Variants in ATOSA observed in about 807,000 individuals in gnomAD.
The protein encoded by ATOSA is atos homolog protein A.
the ATOSA span, among the ~76,000 whole-genome samples, chr15:52,685,112 A>G: frequency 4.6e-5 from 7 of 152,226 alleles, no homozygotes; most frequent in South Asian, 4.1e-4. Flanking sequence ...TAATATTTCT[A>G]TTTGCTGTAG....
At chr15:52,624,235 TTTTG>T in the ATOSA span, among the ~76,000 whole-genome samples, 2 of 152,172 alleles carry the variant, frequency 1.3e-5, no homozygotes, top group Non-Finnish European at 2.9e-5. Flanking sequence ...ACGTTTTTGT[TTTTG>T]TTTTTGTTTT....
At chr15:52,701,384 A>G in the ATOSA span, among the ~76,000 whole-genome samples, 2 of 152,294 alleles carry the variant, frequency 1.3e-5, no homozygotes, top group South Asian at 4.1e-4. Flanking sequence ...GGTTGCAATG[A>G]GCCATAATGG....
At chr15:52,589,063 TAAATTAACACATTA>T in the ATOSA span, among the ~76,000 whole-genome samples, 2 of 152,224 alleles carry the variant, frequency 1.3e-5, no homozygotes, top group Admixed American at 6.5e-5. Context: ...ATCAGATTAT[TAAATTAACACATTA>T]AGGTTAACAC....
At chr15:52,678,197 T>G in the ATOSA span, 35 of 750,470 alleles carry the variant, frequency 4.7e-5, no homozygotes, top group African/African-American at 6.1e-4. Context: ...ACTGTTAAGT[T>G]AGGCCTCTTC....
chr15:52,602,873 T>C, the ATOSA span, among the ~76,000 whole-genome samples: 1 of 152,236 alleles, frequency 6.6e-6, no homozygotes, highest in Non-Finnish European at 1.5e-5. Context: ...AGTGCTATTT[T>C]AGGTTCAAAT....
chr15:52,660,171 AATT>A, the ATOSA span, among the ~76,000 whole-genome samples: 3 of 152,220 alleles, frequency 2.0e-5, no homozygotes, highest in African/African-American at 7.2e-5. Flanking sequence ...ACAGGCGCTT[AATT>A]TTTTATCAAG....
the ATOSA span, chr15:52,585,110 T>C: frequency 1.9e-6 from 1 of 539,596 alleles, no homozygotes. Flanking sequence ...GTTTAAGAAA[T>C]AATATTATTT....
chr15:52,660,125 T>C, the ATOSA span, among the ~76,000 whole-genome samples: 1 of 152,328 alleles, frequency 6.6e-6, no homozygotes, highest in South Asian at 2.1e-4. Context: ...AAAATTATGA[T>C]ATCTTAGAAC....
the ATOSA span, among the ~76,000 whole-genome samples, chr15:52,697,038 G>T: frequency 6.6e-6 from 1 of 152,090 alleles, no homozygotes; most frequent in African/African-American, 2.4e-5. Flanking sequence ...TAGCATACAG[G>T]ATAAAAATCT....
the ATOSA span, among the ~76,000 whole-genome samples, chr15:52,604,618 A>T: frequency 2.6e-5 from 4 of 152,182 alleles, no homozygotes; most frequent in African/African-American, 9.7e-5. Flanking sequence ...CCTGATTTAC[A>T]TATGAGGAAA....
the ATOSA span, among the ~76,000 whole-genome samples, chr15:52,593,201 G>A: frequency 3.3e-5 from 5 of 151,616 alleles, no homozygotes; most frequent in African/African-American, 9.7e-5. Context: ...AAACCAAACC[G>A]AAAAGGGAGT....
chr15:52,637,604 C>G, the ATOSA span, among the ~76,000 whole-genome samples: 1 of 152,218 alleles, frequency 6.6e-6, no homozygotes, highest in Non-Finnish European at 1.5e-5. Flanking sequence ...CATCTCATCT[C>G]TTACCGTTCC....
chr15:52,610,378 C>T, the ATOSA span: 4 of 1,601,966 alleles, frequency 2.5e-6, no homozygotes, highest in South Asian at 1.1e-5. Context: ...ATCAGCAGCA[C>T]TGATTCTAGA....
At chr15:52,653,865 T>G in the ATOSA span, among the ~76,000 whole-genome samples, 1 of 152,324 alleles carries the variant, frequency 6.6e-6, no homozygotes, top group East Asian at 1.9e-4. Context: ...ATTTATATTT[T>G]TATACAATAT....
the ATOSA span, among the ~76,000 whole-genome samples, chr15:52,583,649 G>T: frequency 6.6e-6 from 1 of 152,204 alleles, no homozygotes; most frequent in Non-Finnish European, 1.5e-5. Context: ...GCCTCCCAGA[G>T]TGCTGGGATT....
At chr15:52,705,418 TG>T in the ATOSA span, among the ~76,000 whole-genome samples, 1 of 151,744 alleles carries the variant, frequency 6.6e-6, no homozygotes, top group Admixed American at 6.6e-5. Context: ...GACGAGTTGA[TG>T]GGTGCAGCAA....
the ATOSA span, among the ~76,000 whole-genome samples, chr15:52,700,775 C>T: frequency 1.3e-5 from 2 of 152,124 alleles, no homozygotes; most frequent in African/African-American, 2.4e-5. Context: ...TTTTACCTCT[C>T]TCGTGGAAGT....
chr15:52,701,529 T>C, the ATOSA span, among the ~76,000 whole-genome samples: 1 of 152,202 alleles, frequency 6.6e-6, no homozygotes, highest in Non-Finnish European at 1.5e-5. Context: ...TGGTTAGCCA[T>C]TTAGAAAGGA....
At chr15:52,601,014 T>G in the ATOSA span, 1 of 885,820 alleles carries the variant, frequency 1.1e-6, no homozygotes, top group Non-Finnish European at 1.8e-6. Context: ...AGAATCAACA[T>G]TATTTATTGT....
Sources: gnomAD v4.1 joint callset for allele counts (sites outside exome capture counted in the v4.1 genomes callset) on GRCh38, gnomAD v4.1.1 for gene constraint, MANE v1.5 for transcripts, NCBI Gene and HGNC (gene_info 2026-07-23, HGNC 2026-07-21) for gene names.